Variants in BLVRA observed in about 807,000 individuals in gnomAD.
The protein encoded by BLVRA is biliverdin reductase A, also known as BVR A.
Under a neutral mutation model 32.8 loss-of-function variants are expected in BLVRA, and 22 were observed. The observed-to-expected ratio is 0.67, with a 90% confidence interval of 0.48 to 0.96. The LOEUF (loss-of-function observed/expected upper bound fraction) is 0.96, where lower values mean the gene tolerates loss of function less well. Among genes scored for constraint, BLVRA ranks in the 40% least tolerant of loss-of-function variants. The pLI is 0.00. For synonymous variants in BLVRA, 119 were observed against 141.3 expected (o/e 0.84, Z 1.12); for missense variants, 323 against 358.1 (o/e 0.90, Z 0.79).
At chr7:43,769,318 C>T (rs1563536510) in intron 1 of BLVRA, among the ~76,000 whole-genome samples, 3 of 152,124 alleles carry the variant, frequency 2.0e-5, no homozygotes, top group Non-Finnish European at 4.4e-5. Flanking sequence ...GTGTGAGCTA[C>T]CGTGCCCGGC....
intron 2 of BLVRA, among the ~76,000 whole-genome samples, chr7:43,777,120 T>C (rs1335682689): frequency 1.3e-5 from 2 of 150,780 alleles, no homozygotes; most frequent in African/African-American, 4.8e-5. Flanking sequence ...TGTCTTTTAA[T>C]TGGAGCATTT....
rs750227587 is a variant in BLVRA at position 43,800,467 on chromosome 7, A to C, written c.355A>C (p.Lys119Gln). The change falls in exon 6 of 8, where the codon AAA (lysine) becomes CAA (glutamine). Residue 119 changes from lysine to glutamine, a missense_variant and splice_region_variant. Coordinates refer to ENST00000265523, the MANE Select transcript of BLVRA (RefSeq NM_000712.4). ...ELWELAEQKG[K>Q]VLHEEHVELL... is the part of the protein sequence containing the mutation. Reference sequence around the variant, plus strand: ...TTATTCCATTTTTGTCGTTACAGGAAAAGTCTTGCACGAGGAGCATGTTGA... The same window carrying C: ...TTATTCCATTTTTGTCGTTACAGGACAAGTCTTGCACGAGGAGCATGTTGA... 6.2e-7 allele frequency: 1 copy of C among 1,614,048 alleles called. No individual in the cohort carries two copies. The highest frequency in any genetic ancestry group is 1.7e-5 in the Admixed American group (1 of 60,016).
chr7:43,787,792 T>A lies in BLVRA; in HGVS notation c.13-112T>A. ...CTGATGCTGTGGCTTCCTGTGTGTT[T>A]TGGGCTGGCTTCCATCTTGCTCGTC... On this transcript the variant is annotated intron_variant, in intron 2 of 7. Transcript: ENST00000265523. This position sits in a 1 kb window ranked among gnomAD's most constrained non-coding sequence, Gnocchi z 4.5. The A allele has an allele frequency of 3.3e-6, 5 of 1,537,924 alleles. No homozygotes were observed. The highest frequency in any genetic ancestry group is 4.5e-6 in the Non-Finnish European group (5 of 1,112,548).
rs1267656614 is a variant in BLVRA, at chr7:43,792,780, C to T, written c.320C>T (p.Ala107Val). ...EYPMTLSLAA[A>V]QELWELAEQK... ...CCCATGACACTGTCATTGGCGGCCG[C>T]TCAGGAACTGTGGGAGCTGGCTGAG... Residue 107 changes from alanine to valine, a missense_variant, in exon 5 of 8, where the codon GCT becomes GTT. Physicochemically the swap from Ala to Val is moderately conservative, Grantham distance 64 (BLOSUM62 0). Transcript: ENST00000265523. 1 of 1,614,084 alleles carries T rather than the reference C, an allele frequency of 6.2e-7. No individual in the cohort carries two copies. The highest frequency in any genetic ancestry group is 1.3e-5 in the African/African-American group (1 of 74,944).
intron 5 of BLVRA, among the ~76,000 whole-genome samples, chr7:43,794,317 A>T (rs2095789442): frequency 6.6e-6 from 1 of 152,234 alleles, no homozygotes; most frequent in Non-Finnish European, 1.5e-5. Flanking sequence ...CCCTACAGGA[A>T]ATGCTAAAGG....
chr7:43,789,419 A>T (rs1156861334), intron 3 of BLVRA, among the ~76,000 whole-genome samples: 1 of 152,206 alleles, frequency 6.6e-6, no homozygotes, highest in Non-Finnish European at 1.5e-5. Flanking sequence ...AAGTGCTAGA[A>T]TCTGCCCTTG....
intron 2 of BLVRA, among the ~76,000 whole-genome samples, chr7:43,780,968 G>T (rs534202869): frequency 6.6e-6 from 1 of 152,136 alleles, no homozygotes; most frequent in African/African-American, 2.4e-5. Context: ...CCAACATGGC[G>T]AAACCCCATC....
intron 1 of BLVRA, among the ~76,000 whole-genome samples, chr7:43,767,859 AGG>A (rs2095749943): frequency 6.6e-6 from 1 of 152,136 alleles, no homozygotes; most frequent in African/African-American, 2.4e-5. Flanking sequence ...AAAAAAAGAA[AGG>A]GAGAGCAAGT....
intron 2 of BLVRA, among the ~76,000 whole-genome samples, chr7:43,781,404 T>C (rs2095769249): frequency 6.6e-6 from 1 of 152,118 alleles, no homozygotes; most frequent in South Asian, 2.1e-4. Context: ...TGGAGTGCAG[T>C]GGTGTGATCT....
At chr7:43,762,605 C>CTTTTTTTTTTTT (rs1563533682) in intron 1 of BLVRA, among the ~76,000 whole-genome samples, 1 of 118,652 alleles carries the variant, frequency 8.4e-6, no homozygotes, top group Non-Finnish European at 1.8e-5. Flanking sequence ...CCCAGTAGTT[C>CTTTTTTTTTTTT]CTTTTTTTTT....
At chr7:43,795,224 A>G (rs1429489902) in intron 5 of BLVRA, among the ~76,000 whole-genome samples, 1 of 151,934 alleles carries the variant, frequency 6.6e-6, no homozygotes, top group Admixed American at 6.6e-5. Context: ...AATTAAATAC[A>G]TACATAAATA....
intron 7 of BLVRA, 109 bp from the exon 8 acceptor site, chr7:43,806,868 G>A: frequency 7.8e-7 from 1 of 1,286,610 alleles, no homozygotes. Context: ...GCTGCAAGGA[G>A]GATGGGTGCC....
intron 5 of BLVRA, among the ~76,000 whole-genome samples, chr7:43,799,331 T>C (rs1479909275): frequency 6.6e-6 from 1 of 152,178 alleles, no homozygotes; most frequent in Non-Finnish European, 1.5e-5. Flanking sequence ...TCAGTGAAAC[T>C]GTAGATCATA....
intron 7 of BLVRA, 47 bp from the exon 8 acceptor site, chr7:43,806,930 C>A: frequency 6.2e-7 from 1 of 1,610,952 alleles, no homozygotes; most frequent in Non-Finnish European, 8.5e-7. Context: ...CCCACTTGTG[C>A]TCTTGTGTAA....
chr7:43,800,576 A>C lies in BLVRA; in HGVS notation c.460+4A>C, dbSNP rs369052403. 7.4e-6 allele frequency: 12 copies of C among 1,612,982 alleles called. No individual in the cohort carries two copies. Among genetic ancestry groups the C allele is most frequent in the Non-Finnish European group, 1.0e-5 (12 of 1,179,174 alleles). Reference sequence around the variant, plus strand: ...AAAGGGTCGCTCCTCTTCACAGGTCAGTGCTACGTGGGATCACAGGTCACA... The same window carrying C: ...AAAGGGTCGCTCCTCTTCACAGGTCCGTGCTACGTGGGATCACAGGTCACA... On this transcript the variant is annotated splice_donor_region_variant and intron_variant, in intron 6 of 7. Transcript: ENST00000265523.
At chr7:43,786,058 T>C (rs1217335653) in intron 2 of BLVRA, among the ~76,000 whole-genome samples, 3 of 152,154 alleles carry the variant, frequency 2.0e-5, no homozygotes, top group African/African-American at 4.8e-5. Flanking sequence ...ACAATGTAAA[T>C]TGTCTAAACG....
chr7:43,770,171 G>T (rs1171511150), intron 1 of BLVRA, among the ~76,000 whole-genome samples: 1 of 152,188 alleles, frequency 6.6e-6, no homozygotes, highest in Non-Finnish European at 1.5e-5. Flanking sequence ...ATCGTCATCG[G>T]CTTCCTGGAC....
chr7:43,765,538 C>T (rs1422647450), intron 1 of BLVRA, among the ~76,000 whole-genome samples: 1 of 152,144 alleles, frequency 6.6e-6, no homozygotes, highest in Non-Finnish European at 1.5e-5. Flanking sequence ...AGCCGTGAGC[C>T]TCCACACCCG....
At chr7:43,796,317 T>C (rs1262657629) in intron 5 of BLVRA, among the ~76,000 whole-genome samples, 1 of 152,104 alleles carries the variant, frequency 6.6e-6, no homozygotes, top group Non-Finnish European at 1.5e-5. Context: ...CCTAGTAGCA[T>C]ATAACCTACT....
Sources: gnomAD v4.1 joint callset for allele counts (sites outside exome capture counted in the v4.1 genomes callset) on GRCh38, gnomAD v4.1.1 for gene constraint, Gnocchi (gnomAD v3.1) non-coding constraint, MANE v1.5 for transcripts, NCBI Gene and HGNC (gene_info 2026-07-23, HGNC 2026-07-21) for gene names.